Variants in BNC2 observed in about 807,000 individuals in gnomAD.
BNC2 encodes the protein basonuclin zinc finger protein 2.
Under a neutral mutation model 76.3 loss-of-function variants are expected in BNC2, and 20 were observed. The ratio of observed to expected loss-of-function variants is 0.26; its 90% CI spans 0.18 to 0.38. The LOEUF (loss-of-function observed/expected upper bound fraction) is 0.38, where lower values mean the gene tolerates loss of function less well. BNC2 is among the 10% of genes least tolerant of loss of function. The pLI is 1.00. For missense variants in BNC2, 1,382 were observed against 1,399.8 expected (o/e 0.99, Z 0.20); for synonymous variants, 582 against 514.8 (o/e 1.13, Z -1.77).
chr9:16,557,051 G>C (rs1372186679), intron 4 of BNC2, among the ~76,000 whole-genome samples: 1 of 152,124 alleles, frequency 6.6e-6, no homozygotes, highest in Non-Finnish European at 1.5e-5. Context: ...TCTGGATCTT[G>C]TAGGGTTAGG....
intron 3 of BNC2, among the ~76,000 whole-genome samples, chr9:16,694,894 T>C (rs1051371937): frequency 6.6e-6 from 1 of 152,076 alleles, no homozygotes; most frequent in Non-Finnish European, 1.5e-5. Flanking sequence ...CCCAAATGCA[T>C]GGATCTCAAC....
At position 16,415,871 on chromosome 9, in the gene BNC2, G is replaced by C. The variant is rs1033637091; in HGVS notation, c.*3118C>G. On this transcript the variant is annotated 3_prime_UTR_variant, in exon 7 of 7. Transcript: ENST00000380672. ...ACGACTGGGCACTTGAGGCACAAAAGTAGTAGCAAATAGGGGAGATACTTA... is the reference window on the plus strand; with the variant it reads ...ACGACTGGGCACTTGAGGCACAAAACTAGTAGCAAATAGGGGAGATACTTA... 6.6e-6 allele frequency: 1 copy of C among 152,206 alleles called. No homozygotes were observed. The highest frequency in any genetic ancestry group is 2.4e-5 in the African/African-American group (1 of 41,454). The allele number at this position is 152,206 out of a possible 1,614,324, so 9.4% of individuals were successfully genotyped here.
intron 4 of BNC2, among the ~76,000 whole-genome samples, chr9:16,577,795 C>G (rs888331911): frequency 6.6e-6 from 1 of 152,026 alleles, no homozygotes; most frequent in Admixed American, 6.6e-5. Context: ...CAGACCTCAG[C>G]CAAAGGAAAT....
At chr9:16,860,478 T>A (rs970779489) in intron 1 of BNC2, among the ~76,000 whole-genome samples, 1 of 152,038 alleles carries the variant, frequency 6.6e-6, no homozygotes, top group Non-Finnish European at 1.5e-5. Context: ...ACAACAGACA[T>A]CCACATTCAA....
intron 1 of BNC2, among the ~76,000 whole-genome samples, chr9:16,846,489 C>T (rs987632397): frequency 3.3e-5 from 5 of 152,300 alleles, no homozygotes; most frequent in African/African-American, 4.8e-5. Context: ...CACAGCACAG[C>T]GCTAAATACC....
intron 3 of BNC2, among the ~76,000 whole-genome samples, chr9:16,703,861 T>G (rs1371797777): frequency 1.3e-5 from 2 of 152,176 alleles, no homozygotes; most frequent in African/African-American, 2.4e-5. Flanking sequence ...TCTCCAAGTT[T>G]TTTCTTATAA....
intron 3 of BNC2, among the ~76,000 whole-genome samples, chr9:16,595,245 T>C (rs1820034265): frequency 6.6e-6 from 1 of 152,168 alleles, no homozygotes; most frequent in Non-Finnish European, 1.5e-5. Flanking sequence ...TAATACCTTC[T>C]ATTGTACATC....
Position 16,750,172 on chromosome 9 carries a change from G to C in BNC2, c.4-11687C>G, listed in dbSNP as rs1222443054. 3.9e-5 allele frequency among the ~76,000 whole-genome samples: 6 copies of C among 152,012 alleles called. No individual in the cohort carries two copies. The South Asian group carries it at 1.0e-3, about 26-fold the overall frequency. ...AGAACTGATACCTAAAATAATTTTAGCTCTAAGGGAAAAGAAGCAAAAGAT... is the reference window on the plus strand; with the variant it reads ...AGAACTGATACCTAAAATAATTTTACCTCTAAGGGAAAAGAAGCAAAAGAT... On this transcript the variant is annotated intron_variant, in intron 1 of 6. Coordinates refer to ENST00000380672, the MANE Select transcript of BNC2 (RefSeq NM_017637.6).
Position 16,552,668 on chromosome 9 carries a change from A to G in BNC2, c.531T>C (p.Tyr177=), listed in dbSNP as rs372710111. The G allele has an allele frequency of 4.4e-5, 71 of 1,614,194 alleles. No homozygotes were observed. Among genetic ancestry groups the G allele is most frequent in the Non-Finnish European group, 5.9e-5 (70 of 1,180,028 alleles). The change falls in exon 5 of 7, where the codon TAT becomes TAC. Residue 177 remains tyrosine (Y), a synonymous_variant. Coordinates refer to ENST00000380672, the MANE Select transcript of BNC2 (RefSeq NM_017637.6). ...GCCGCACAGGCACTGCTTGTGTCCC[A>G]TAGAGCATCAGGCTGCTGATGTCAA... ...VVFDISSLML[Y]GTQAVPVRLK... is the part of the protein sequence containing the mutation.
At chr9:16,528,429 T>A (rs867174303) in intron 5 of BNC2, among the ~76,000 whole-genome samples, 4 of 152,186 alleles carry the variant, frequency 2.6e-5, no homozygotes, top group Non-Finnish European at 5.9e-5. Flanking sequence ...TTCAGGCTTT[T>A]CAGAACACTG....
chr9:16,673,727 G>A lies in BNC2; in HGVS notation c.330+54070C>T, dbSNP rs1461482866. 2.6e-5 allele frequency among the ~76,000 whole-genome samples: 4 copies of A among 152,198 alleles called. No individual in the cohort carries two copies. The East Asian group carries it at 7.7e-4, about 29-fold the overall frequency. On this transcript the variant is annotated intron_variant, in intron 3 of 6. Transcript: ENST00000380672. ...CCAAATAAGTTTGATTTATATCTTT[G>A]ACTGTTCTAATTAATTTCTGCATCC...
intron 1 of BNC2, among the ~76,000 whole-genome samples, chr9:16,836,222 G>A (rs888663379): frequency 1.3e-5 from 2 of 152,006 alleles, no homozygotes; most frequent in South Asian, 2.1e-4. Flanking sequence ...CCTTTCCTTT[G>A]TGGGCCAAGT....
chr9:16,469,523 T>C (rs1432559583), intron 5 of BNC2, among the ~76,000 whole-genome samples: 2 of 152,346 alleles, frequency 1.3e-5, no homozygotes, highest in African/African-American at 4.8e-5. Flanking sequence ...ATTAAACCTC[T>C]TTTTGTTCCT....
intron 3 of BNC2, among the ~76,000 whole-genome samples, chr9:16,709,924 G>A (rs1242237803): frequency 1.3e-5 from 2 of 152,078 alleles, no homozygotes; most frequent in Non-Finnish European, 1.5e-5. Context: ...TAGGTATAAA[G>A]GAAAAACAAG....
chr9:16,419,499 A>T lies in BNC2; in HGVS notation c.2790T>A (p.Asp930Glu). ...IYGAQHPMGLDVREDASSPAG... is the reference protein window; with the variant it reads ...IYGAQHPMGLEVREDASSPAG... ...CGGGAGAGGAGGCGTCTTCCCTGACATCGAGCCCCATGGGGTGCTGGGCAC... is the reference window on the plus strand; with the variant it reads ...CGGGAGAGGAGGCGTCTTCCCTGACTTCGAGCCCCATGGGGTGCTGGGCAC... Residue 930 changes from aspartate to glutamate, a missense_variant, in exon 7 of 7, where the codon GAT becomes GAA. Coordinates refer to ENST00000380672, the MANE Select transcript of BNC2 (RefSeq NM_017637.6). The T allele has an allele frequency of 6.2e-7, 1 of 1,614,104 alleles. No individual in the cohort carries two copies. Among genetic ancestry groups the T allele is most frequent in the South Asian group, 1.1e-5 (1 of 91,072 alleles).
chr9:16,661,698 T>G (rs971351157), intron 3 of BNC2, among the ~76,000 whole-genome samples: 2 of 152,238 alleles, frequency 1.3e-5, no homozygotes, highest in African/African-American at 4.8e-5. Context: ...GTGTTGTGTG[T>G]GTGTGATTTG....
intron 5 of BNC2, among the ~76,000 whole-genome samples, chr9:16,460,667 G>C (rs889697354): frequency 1.6e-4 from 25 of 152,062 alleles, no homozygotes; most frequent in African/African-American, 5.1e-4. Flanking sequence ...TCTATTATAT[G>C]AGGCATGGAG....
chr9:16,498,268 TATTCCATCATATATATATATATTCCATC>T, intron 5 of BNC2, among the ~76,000 whole-genome samples: 2 of 107,064 alleles, frequency 1.9e-5, no homozygotes, highest in East Asian at 6.1e-4. Context: ...ATCATATATA[TATTCCATCATATATATATATATTCCATC>T]ATATATATAT....
In BNC2 at chr9:16,589,063, C is replaced by A. The variant is rs539478342; in HGVS notation, c.331-5978G>T. Among the ~76,000 whole-genome samples the A allele has an allele frequency of 2.6e-5, 4 of 152,308 alleles. No homozygotes were observed. In the East Asian group the frequency reaches 5.8e-4, roughly 22 times the overall value. ...CTAATCATAATGAGAGGGGAAAAAACTGATTCCGGTTCTGGGTTTTGGTGT... is the reference window on the plus strand; with the variant it reads ...CTAATCATAATGAGAGGGGAAAAAAATGATTCCGGTTCTGGGTTTTGGTGT... On this transcript the variant is annotated intron_variant, in intron 3 of 6. Coordinates refer to ENST00000380672, the MANE Select transcript of BNC2 (RefSeq NM_017637.6).
Sources: allele counts gnomAD v4.1 joint callset (sites outside exome capture counted in the v4.1 genomes callset), GRCh38; gene constraint gnomAD v4.1.1; transcripts MANE v1.5; gene names NCBI Gene and HGNC (gene_info 2026-07-23, HGNC 2026-07-21).